The following RUFY3 variants were observed in gnomAD, a reference collection of about 807,000 sequenced individuals.
The protein encoded by RUFY3 is protein RUFY3.
Under a neutral mutation model 84.0 loss-of-function variants are expected in RUFY3, and 34 were observed. That is an observed-to-expected ratio of 0.40 (90% CI 0.31 to 0.54). The LOEUF is 0.54. Among genes scored for constraint, RUFY3 ranks in the 20% least tolerant of loss-of-function variants. The probability of loss-of-function intolerance (pLI) is 0.39; values close to 1 mark genes in which losing one functional copy is unlikely to be tolerated. For synonymous variants in RUFY3, 242 were observed against 252.9 expected, an observed-to-expected ratio of 0.96 and a Z score of 0.41; for missense variants, 507 against 736.8, an observed-to-expected ratio of 0.69 and a Z score of 3.61.
chr4:70,792,178 T>C (rs1451442645), intron 12 of RUFY3: 2 of 985,388 alleles, frequency 2.0e-6, no homozygotes, highest in Non-Finnish European at 2.4e-6. Context: ...TTTCTTATAT[T>C]GGAGTAAAAA....
intron 1 of RUFY3, among the ~76,000 whole-genome samples, chr4:70,716,736 C>T (rs36025732): frequency 0.11 from 16,976 of 150,764 alleles, 1,342 homozygotes; most frequent in Non-Finnish European, 0.18. Flanking sequence ...CCCAGCTACT[C>T]GGGAGTCTGA....
intron 10 of RUFY3, among the ~76,000 whole-genome samples, chr4:70,787,187 A>ATAT (rs1341692129): frequency 6.1e-4 from 50 of 81,464 alleles, no homozygotes; most frequent in Non-Finnish European, 7.5e-4. Flanking sequence ...AAAAAAAAAA[A>ATAT]ATATATATAT....
At chr4:70,732,467 T>C (rs1719432933) in intron 1 of RUFY3, among the ~76,000 whole-genome samples, 1 of 152,182 alleles carries the variant, frequency 6.6e-6, no homozygotes, top group Admixed American at 6.5e-5. Context: ...CGTATGTTTA[T>C]TGCGGCACTA....
intron 1 of RUFY3, among the ~76,000 whole-genome samples, chr4:70,731,018 G>A (rs1448176764): frequency 6.6e-6 from 1 of 152,094 alleles, no homozygotes; most frequent in Non-Finnish European, 1.5e-5. Flanking sequence ...ATCCCAGCTG[G>A]GACATGCTTG....
intron 1 of RUFY3, among the ~76,000 whole-genome samples, chr4:70,732,242 G>C (rs991317677): frequency 6.6e-6 from 1 of 152,158 alleles, no homozygotes; most frequent in African/African-American, 2.4e-5. Flanking sequence ...TCATTCCCCA[G>C]TTATTTAATT....
chr4:70,734,085 A>G (rs935733066), intron 1 of RUFY3, among the ~76,000 whole-genome samples: 12 of 152,148 alleles, frequency 7.9e-5, no homozygotes, highest in African/African-American at 2.7e-4. Flanking sequence ...TAATTTTTTA[A>G]TATTTCTATT....
In RUFY3 at chr4:70,707,737, T is replaced by C. The variant is rs562445017; in HGVS notation, c.358+2443T>C. On this transcript the variant is annotated intron_variant, in intron 1 of 11. Transcript: ENST00000417478. ...AAAAAAAAAAAATCACTATTACATG[T>C]TTTATTTAAATATAAAATTGATTCA... Among the ~76,000 whole-genome samples, 10 of 151,900 alleles carry C rather than the reference T, an allele frequency of 6.6e-5. No homozygotes were observed. The Middle Eastern group carries it at 0.01, about 155-fold the overall frequency.
At chr4:70,763,770 A>G (rs1725405682) in intron 3 of RUFY3, 101 bp downstream of exon 3, 1 of 1,396,720 alleles carries the variant, frequency 7.2e-7, no homozygotes, top group African/African-American at 1.4e-5. Context: ...AATTTATTTT[A>G]TAACAATCCA....
At chr4:70,748,525 G>T (rs2148665450) in intron 1 of RUFY3, among the ~76,000 whole-genome samples, 1 of 152,262 alleles carries the variant, frequency 6.6e-6, no homozygotes, top group East Asian at 1.9e-4. Flanking sequence ...TTTTTGTCAG[G>T]TCTGAGGTTT....
intron 1 of RUFY3, among the ~76,000 whole-genome samples, chr4:70,727,927 C>G (rs1718562037): frequency 6.6e-6 from 1 of 152,054 alleles, no homozygotes; most frequent in South Asian, 2.1e-4. Flanking sequence ...ATAGCTATGA[C>G]TCAGTTTATA....
chr4:70,793,913 G>A lies in RUFY3; in HGVS notation c.1457+9G>A, dbSNP rs776095908. 43 of 1,613,346 alleles carry A rather than the reference G, an allele frequency of 2.7e-5. No homozygotes were observed. In the South Asian group the frequency reaches 4.2e-4, roughly 16 times the overall value. Reference sequence around the variant, plus strand: ...GAGCTCACCAGGCAGCGGTGAAGAGGGGGTAGCTTGAGCTGACAGGGTGGT... The same window carrying A: ...GAGCTCACCAGGCAGCGGTGAAGAGAGGGTAGCTTGAGCTGACAGGGTGGT... On this transcript the variant is annotated intron_variant, in intron 13 of 17. Coordinates refer to ENST00000381006, the MANE Select transcript of RUFY3 (RefSeq NM_001037442.4).
At chr4:70,787,856 G>GT (rs1464390334) in intron 10 of RUFY3, among the ~76,000 whole-genome samples, 1 of 152,148 alleles carries the variant, frequency 6.6e-6, no homozygotes, top group Non-Finnish European at 1.5e-5. Context: ...AACTAAGAAA[G>GT]TATTTGAGGT....
At chr4:70,804,492 A>G in intron 17 of RUFY3, 76 bp downstream of exon 17, 1 of 1,297,520 alleles carries the variant, frequency 7.7e-7, no homozygotes, top group Non-Finnish European at 1.1e-6. Context: ...CAGGAGTAAC[A>G]GGGACTTTCC....
chr4:70,794,676 C>G, intron 13 of RUFY3, 119 bp from the exon 14 acceptor site: 1 of 696,200 alleles, frequency 1.4e-6, no homozygotes, highest in South Asian at 1.6e-5. Context: ...GTCTCTCTGA[C>G]AGCAAGCCCT....
chr4:70,725,388 T>C (rs1002863514), intron 1 of RUFY3, among the ~76,000 whole-genome samples: 5 of 151,782 alleles, frequency 3.3e-5, no homozygotes, highest in Non-Finnish European at 7.4e-5. Flanking sequence ...TGGAGTGCAA[T>C]GGCGCAATCT....
chr4:70,718,340 G>A (rs1165820497), upstream of RUFY3, among the ~76,000 whole-genome samples: 1 of 152,168 alleles, frequency 6.6e-6, no homozygotes, highest in East Asian at 1.9e-4. Flanking sequence ...CCTTTAAGAG[G>A]AATGTAACTT....
At chr4:70,743,743 T>C (rs1721704545) in intron 1 of RUFY3, among the ~76,000 whole-genome samples, 1 of 152,144 alleles carries the variant, frequency 6.6e-6, no homozygotes, top group Non-Finnish European at 1.5e-5. Flanking sequence ...TCAAGTGATA[T>C]ATGGTAATGT....
intron 1 of RUFY3, among the ~76,000 whole-genome samples, chr4:70,757,601 T>A (rs1399551870): frequency 6.6e-6 from 1 of 152,170 alleles, no homozygotes; most frequent in Non-Finnish European, 1.5e-5. Context: ...TGAAACTCCA[T>A]CTGAAAAATT....
chr4:70,792,911 A>G (rs544140363), intron 12 of RUFY3: 10 of 985,410 alleles, frequency 1.0e-5, no homozygotes, highest in Middle Eastern at 5.2e-4. Flanking sequence ...TCTCTTCATC[A>G]ACCTTTTGTG....
Sources: allele counts gnomAD v4.1 joint callset (sites outside exome capture counted in the v4.1 genomes callset), GRCh38; gene constraint gnomAD v4.1.1; transcripts MANE v1.5; gene names NCBI Gene and HGNC (gene_info 2026-07-23, HGNC 2026-07-21).